FBXO34: variants seen among roughly 807,000 people sequenced by gnomAD.
The protein encoded by FBXO34 is F-box only protein 34.
A neutral mutation model predicts 24.5 loss-of-function variants in FBXO34; 12 were observed. The ratio of observed to expected loss-of-function variants is 0.49; its 90% confidence interval spans 0.31 to 0.79. The LOEUF is 0.79. Among genes scored for constraint, FBXO34 ranks in the 30% least tolerant of loss-of-function variants. The pLI is 0.04. For missense variants in FBXO34, 823 were observed against 857.7 expected, an observed-to-expected ratio of 0.96 and a Z score of 0.51; for synonymous variants, 320 against 311.9, an observed-to-expected ratio of 1.03 and a Z score of -0.27.
At chr14:55,414,482 T>C in the FBXO34 span, 1 of 1,499,550 alleles carries the variant, frequency 6.7e-7, no homozygotes, top group Non-Finnish European at 9.0e-7. Context: ...GTTTATATAA[T>C]TTTTAATATA....
chr14:55,407,781 A>G, the FBXO34 span, among the ~76,000 whole-genome samples: 12 of 152,220 alleles, frequency 7.9e-5, no homozygotes, highest in East Asian at 2.3e-3. Context: ...TGTGATAGCA[A>G]ATAATGAATA....
chr14:55,298,655 T>C, intron 1 of FBXO34: 3 of 1,519,384 alleles, frequency 2.0e-6, no homozygotes, highest in African/African-American at 1.4e-5. Context: ...TGTTCGGGGC[T>C]GGAGGGGGTA....
At chr14:55,421,012 G>A in the FBXO34 span, among the ~76,000 whole-genome samples, 12 of 140,904 alleles carry the variant, frequency 8.5e-5, no homozygotes, top group Admixed American at 1.5e-4. Flanking sequence ...AGTGAGCCGA[G>A]ATCGCACCAC....
intron 1 of FBXO34, among the ~76,000 whole-genome samples, chr14:55,302,588 GC>G (rs958013565): frequency 1.3e-5 from 2 of 151,824 alleles, no homozygotes; most frequent in African/African-American, 4.8e-5. Flanking sequence ...ACTGCACTTG[GC>G]CCGTATTATC....
intron 1 of FBXO34, among the ~76,000 whole-genome samples, chr14:55,296,470 A>G (rs1481676489): frequency 7.5e-6 from 1 of 132,576 alleles, no homozygotes; most frequent in African/African-American, 2.9e-5. Flanking sequence ...ATCTTGGCTC[A>G]CTGCAACCTC....
the FBXO34 span, among the ~76,000 whole-genome samples, chr14:55,391,505 C>T: frequency 6.8e-6 from 1 of 146,300 alleles, no homozygotes; most frequent in South Asian, 2.2e-4. Context: ...AGGGAAATTA[C>T]GAGAAAGAAA....
rs562957961 is a variant in FBXO34 at position 55,305,310 on chromosome 14, G to A, written c.-11+33773G>A. Reference sequence around the variant, plus strand: ...ACCTGTAGTCCCAGCTACTCAGGAGGCTGAGGCAGGGGAATAATCACTTGA... The same window carrying A: ...ACCTGTAGTCCCAGCTACTCAGGAGACTGAGGCAGGGGAATAATCACTTGA... On this transcript the variant is annotated intron_variant, in intron 1 of 1. Transcript: ENST00000313833. Among the ~76,000 whole-genome samples, 9 of 152,178 alleles carry A rather than the reference G, an allele frequency of 5.9e-5. No individual in the cohort carries two copies. The South Asian group carries it at 1.7e-3, about 28-fold the overall frequency.
chr14:55,372,940 A>C (rs1320445692), downstream of FBXO34, among the ~76,000 whole-genome samples: 1 of 152,132 alleles, frequency 6.6e-6, no homozygotes, highest in Non-Finnish European at 1.5e-5. Flanking sequence ...AAGACTCCTC[A>C]AGGGGCCAGT....
chr14:55,344,609 A>G (rs2182797), intron 1 of FBXO34, among the ~76,000 whole-genome samples: 80,788 of 150,264 alleles, frequency 0.54, 23,977 homozygotes, highest in African/African-American at 0.81. Flanking sequence ...GGTTTGTTAC[A>G]CAGGTATACA....
the FBXO34 span, among the ~76,000 whole-genome samples, chr14:55,398,464 ATT>A: frequency 6.6e-6 from 1 of 152,066 alleles, no homozygotes; most frequent in Non-Finnish European, 1.5e-5. Flanking sequence ...GATATTGTGT[ATT>A]TTCATTATCA....
chr14:55,408,884 G>C, the FBXO34 span, among the ~76,000 whole-genome samples: 1 of 152,218 alleles, frequency 6.6e-6, no homozygotes, highest in African/African-American at 2.4e-5. Flanking sequence ...CTAAATTAGA[G>C]AGGCAAACAG....
At chr14:55,298,583 C>CG in intron 1 of FBXO34, 1 of 793,906 alleles carries the variant, frequency 1.3e-6, no homozygotes, top group Non-Finnish European at 2.0e-6. Flanking sequence ...AGGGTGGAGG[C>CG]GGAGGAGGGC....
At chr14:55,418,176 ATG>A in the FBXO34 span, among the ~76,000 whole-genome samples, 2 of 152,208 alleles carry the variant, frequency 1.3e-5, no homozygotes, top group East Asian at 3.9e-4. Context: ...TAATTTATTT[ATG>A]TCTGTCTCCC....
chr14:55,352,659 G>C lies in FBXO34; in HGVS notation c.*133G>C. On this transcript the variant is annotated 3_prime_UTR_variant, in exon 2 of 2. Transcript: ENST00000313833. ...TACATCATCAGGACTGCATTGCTCAGGCATTTTCTAAACTCTAAATTTACG... is the reference window on the plus strand; with the variant it reads ...TACATCATCAGGACTGCATTGCTCACGCATTTTCTAAACTCTAAATTTACG... 1.3e-6 allele frequency: 1 copy of C among 741,964 alleles called. No individual in the cohort carries two copies. Among genetic ancestry groups the C allele is most frequent in the East Asian group, 2.9e-5 (1 of 34,636 alleles). The allele number at this position is 741,964 out of a possible 1,614,324, so 46.0% of individuals were successfully genotyped here.
At chr14:55,344,171 C>T (rs564765628) in intron 1 of FBXO34, among the ~76,000 whole-genome samples, 49 of 152,130 alleles carry the variant, frequency 3.2e-4, no homozygotes, top group African/African-American at 1.2e-3. Flanking sequence ...TGGTGCTCAC[C>T]CTCTCACCTT....
At chr14:55,301,329 C>T (rs143298333) in intron 1 of FBXO34, among the ~76,000 whole-genome samples, 8,834 of 151,690 alleles carry the variant, frequency 0.058, 330 homozygotes, top group South Asian at 0.09. Flanking sequence ...CCTAGCTACT[C>T]GGGAGGCTGA....
At chr14:55,329,835 A>G (rs933100153) in intron 1 of FBXO34, among the ~76,000 whole-genome samples, 3 of 152,082 alleles carry the variant, frequency 2.0e-5, no homozygotes, top group Non-Finnish European at 4.4e-5. Flanking sequence ...CAGGAAAACT[A>G]TCAGCTTTCA....
the FBXO34 span, among the ~76,000 whole-genome samples, chr14:55,415,430 C>T: frequency 1.3e-5 from 2 of 152,078 alleles, no homozygotes; most frequent in African/African-American, 4.8e-5. Flanking sequence ...ACTACATGAC[C>T]CAACAATTTC....
chr14:55,439,617 C>CCCG, the FBXO34 span, among the ~76,000 whole-genome samples: 1 of 72,628 alleles, frequency 1.4e-5, no homozygotes, highest in Admixed American at 1.7e-4. Flanking sequence ...AAAGCAAACC[C>CCCG]CCCCCCGTCT....
Sources: gnomAD v4.1 joint callset for allele counts (sites outside exome capture counted in the v4.1 genomes callset) on GRCh38, gnomAD v4.1.1 for gene constraint, MANE v1.5 for transcripts, NCBI Gene and HGNC (gene_info 2026-07-23, HGNC 2026-07-21) for gene names.